Variants in HPSE2 observed in about 807,000 individuals in gnomAD.
HPSE2 encodes heparanase 2 (inactive).
A neutral mutation model predicts 60.5 loss-of-function variants in HPSE2; 38 were observed. The observed-to-expected ratio is 0.63, with a 90% CI of 0.48 to 0.82. HPSE2 has a LOEUF of 0.82. Among genes scored for constraint, HPSE2 ranks in the 40% least tolerant of loss-of-function variants. The pLI is 0.00. For missense variants in HPSE2, 713 were observed against 740.4 expected, an observed-to-expected ratio of 0.96 and a Z score of 0.43; for synonymous variants, 295 against 293.2, an observed-to-expected ratio of 1.01 and a Z score of -0.06.
At chr10:98,874,034 T>A (rs1952805623) in intron 3 of HPSE2, among the ~76,000 whole-genome samples, 1 of 152,146 alleles carries the variant, frequency 6.6e-6, no homozygotes, top group Non-Finnish European at 1.5e-5. Context: ...TCTGTTCATA[T>A]CCTTTGCCTA....
chr10:99,138,258 T>C (rs188112864), intron 3 of HPSE2, among the ~76,000 whole-genome samples: 53 of 152,242 alleles, frequency 3.5e-4, no homozygotes, highest in African/African-American at 1.2e-3. Flanking sequence ...CTGGAGAGAA[T>C]ATGGAGAAAT....
intron 2 of HPSE2, among the ~76,000 whole-genome samples, chr10:99,214,041 T>A (rs78002853): frequency 0.017 from 2,584 of 152,222 alleles, 70 homozygotes; most frequent in African/African-American, 0.059. Context: ...TAAAAAGGGA[T>A]AAAGAATCTG....
intron 9 of HPSE2, among the ~76,000 whole-genome samples, chr10:98,527,323 G>A (rs1942997839): frequency 6.6e-6 from 1 of 152,036 alleles, no homozygotes; most frequent in African/African-American, 2.4e-5. Context: ...ACTGCTTTTG[G>A]ACTAAAAATC....
Position 98,693,869 on chromosome 10 carries a change from ATAAG to A in HPSE2, c.1004+27_1004+30del, listed in dbSNP as rs771193484. ...ATCTTTCATTTCACAGCAGCTGATA[ATAAG>A]TAAGAGCAAAAATGGTGAATACCTA... On this transcript the variant is annotated intron_variant, in intron 6 of 11. Transcript: ENST00000370552. 26 of 1,542,924 alleles carry A rather than the reference ATAAG, an allele frequency of 1.7e-5. No homozygotes were observed. The African/African-American group carries it at 2.2e-4, about 13-fold the overall frequency.
intron 3 of HPSE2, among the ~76,000 whole-genome samples, chr10:98,911,297 C>T (rs1953972002): frequency 6.6e-6 from 1 of 152,168 alleles, no homozygotes. Context: ...TACTGGACTC[C>T]TGCCTGTAAG....
chr10:98,951,531 G>A (rs1295702332), intron 3 of HPSE2, among the ~76,000 whole-genome samples: 1 of 152,154 alleles, frequency 6.6e-6, no homozygotes, highest in Non-Finnish European at 1.5e-5. Flanking sequence ...ACAGGGCCAG[G>A]AAGAAGGATG....
chr10:98,821,831 G>A (rs1373907834), intron 3 of HPSE2, among the ~76,000 whole-genome samples: 4 of 152,080 alleles, frequency 2.6e-5, no homozygotes, highest in Non-Finnish European at 4.4e-5. Flanking sequence ...TAAGAAAAAC[G>A]ACTTGGCTAA....
chr10:99,123,155 A>G (rs535084222), intron 3 of HPSE2, among the ~76,000 whole-genome samples: 1 of 152,302 alleles, frequency 6.6e-6, no homozygotes, highest in South Asian at 2.1e-4. Flanking sequence ...TCTAAATTAA[A>G]AACAGTCAAA....
chr10:99,112,384 C>T (rs569556864), intron 3 of HPSE2, among the ~76,000 whole-genome samples: 4 of 152,100 alleles, frequency 2.6e-5, no homozygotes, highest in Non-Finnish European at 4.4e-5. Context: ...GGACTACAGG[C>T]GCCTGCCACC....
intron 4 of HPSE2, among the ~76,000 whole-genome samples, chr10:98,742,334 C>T (rs961108997): frequency 5.9e-5 from 9 of 152,122 alleles, no homozygotes; most frequent in Non-Finnish European, 8.8e-5. Flanking sequence ...TTCTTTTCTT[C>T]CCTTGCCATC....
At chr10:98,800,457 T>C (rs1168925141) in intron 3 of HPSE2, among the ~76,000 whole-genome samples, 3 of 147,618 alleles carry the variant, frequency 2.0e-5, no homozygotes, top group African/African-American at 4.9e-5. Context: ...TTATATAACA[T>C]ATATGATTTT....
intron 3 of HPSE2, among the ~76,000 whole-genome samples, chr10:98,862,390 A>C (rs1297126109): frequency 2.0e-5 from 3 of 152,210 alleles, no homozygotes; most frequent in Non-Finnish European, 2.9e-5. Context: ...TGAAGTCCTG[A>C]CACTTCCACT....
chr10:98,990,041 A>AAAAGAAGT (rs1956486110), intron 3 of HPSE2, among the ~76,000 whole-genome samples: 1 of 152,182 alleles, frequency 6.6e-6, no homozygotes, highest in Admixed American at 6.5e-5. Flanking sequence ...CAAAAGAAGT[A>AAAAGAAGT]AAAAAAGTAA....
Position 98,939,044 on chromosome 10 carries a change from T to G in HPSE2, c.611-194988A>C, listed in dbSNP as rs1410390686. 2.1e-5 allele frequency among the ~76,000 whole-genome samples: 3 copies of G among 143,816 alleles called. 1 individual carries two copies. The highest frequency in any genetic ancestry group is 4.5e-5 in the Non-Finnish European group (3 of 67,174). The allele number at this position is 143,816 out of a possible 152,430, so 94.3% of individuals were successfully genotyped here. On this transcript the variant is annotated intron_variant, in intron 3 of 11. Transcript: ENST00000370552. Reference sequence around the variant, plus strand: ...ACAGACAAGCAAATGCTGAGAGATTTTGTCACCACCAGGCCTGCCCTAAAA... The same window carrying G: ...ACAGACAAGCAAATGCTGAGAGATTGTGTCACCACCAGGCCTGCCCTAAAA...
chr10:98,820,356 G>A (rs1951396878), intron 3 of HPSE2, among the ~76,000 whole-genome samples: 1 of 152,118 alleles, frequency 6.6e-6, no homozygotes, highest in Non-Finnish European at 1.5e-5. Flanking sequence ...AAACATTTGG[G>A]ATACATGATA....
chr10:99,182,640 T>A (rs1054060948), intron 2 of HPSE2, among the ~76,000 whole-genome samples: 1 of 152,122 alleles, frequency 6.6e-6, no homozygotes, highest in African/African-American at 2.4e-5. Flanking sequence ...AAAATCATAA[T>A]ATGATTTTTG....
rs146018682 is a variant in HPSE2, at chr10:99,005,763, A to G, written c.610+138475T>C. ...ATCTTACATTGAAGCTTGCACATGGAAAGAAGTTGGAATTCACTCTAGTTT... is the reference window on the plus strand; with the variant it reads ...ATCTTACATTGAAGCTTGCACATGGGAAGAAGTTGGAATTCACTCTAGTTT... On this transcript the variant is annotated intron_variant, in intron 3 of 11. Coordinates refer to ENST00000370552, the MANE Select transcript of HPSE2 (RefSeq NM_021828.5). Among the ~76,000 whole-genome samples, 144 of 152,250 alleles carry G rather than the reference A, an allele frequency of 9.5e-4. No individual in the cohort carries two copies. The Middle Eastern group carries it at 0.01, about 11-fold the overall frequency.
intron 7 of HPSE2, among the ~76,000 whole-genome samples, chr10:98,630,580 A>G (rs1459667578): frequency 6.6e-6 from 1 of 151,502 alleles, no homozygotes; most frequent in African/African-American, 2.4e-5. Flanking sequence ...CCTATTTCAA[A>G]TGTTATTTCC....
intron 9 of HPSE2, among the ~76,000 whole-genome samples, chr10:98,521,246 C>T (rs1435909772): frequency 6.6e-6 from 1 of 152,130 alleles, no homozygotes; most frequent in East Asian, 1.9e-4. Flanking sequence ...ACCCATCTGA[C>T]AAAGGGCTAA....
Sources: gnomAD v4.1 joint callset for allele counts (sites outside exome capture counted in the v4.1 genomes callset) on GRCh38, gnomAD v4.1.1 for gene constraint, MANE v1.5 for transcripts, NCBI Gene and HGNC (gene_info 2026-07-23, HGNC 2026-07-21) for gene names.